ETS1: variants seen among roughly 807,000 people sequenced by gnomAD.
ETS1 encodes protein C-ets-1.
ETS1 carries 15 observed loss-of-function variants against 58.6 expected under a neutral mutation model. The observed-to-expected ratio is 0.26, with a 90% CI of 0.17 to 0.39. ETS1 has a LOEUF of 0.39. Ranked by LOEUF, ETS1 falls within the 10% of genes least tolerant of loss-of-function variation. ETS1 has a pLI of 1.00. For synonymous variants in ETS1, 214 were observed against 218.2 expected, an observed-to-expected ratio of 0.98 and a Z score of 0.17; for missense variants, 417 against 610.5, an observed-to-expected ratio of 0.68 and a Z score of 3.34.
rs1380445482 is a variant in ETS1 at position 128,548,132 on chromosome 11, A to AAAGGGAAGGGAAGGGAAGGGAAGGG, written c.214+8158_214+8159insCCCTTCCCTTCCCTTCCCTTCCCTT. ...AAAGGGAAGGAAAGGAAAGGAAAGG[A>AAAGGGAAGGGAAGGGAAGGGAAGGG]AAGGGAAGGGAAGGGAAGGGAAGGA... On this transcript the variant is annotated intron_variant, in intron 3 of 9. Transcript: ENST00000392668. Among the ~76,000 whole-genome samples, 55 of 84,020 alleles carry AAAGGGAAGGGAAGGGAAGGGAAGGG rather than the reference A, an allele frequency of 6.5e-4. 3 individuals are homozygous for AAAGGGAAGGGAAGGGAAGGGAAGGG. Among genetic ancestry groups the AAAGGGAAGGGAAGGGAAGGGAAGGG allele is most frequent in the African/African-American group, 3.1e-3 (51 of 16,606 alleles). The allele number at this position is 84,020 out of a possible 152,430, so 55.1% of individuals were successfully genotyped here. A position where few individuals can be genotyped will look rare whatever the true frequency, so the allele number is the denominator to read the frequency against.
intron 3 of ETS1, chr11:128,526,862 C>T (rs1372960268): frequency 2.2e-6 from 1 of 454,098 alleles, no homozygotes; most frequent in South Asian, 1.6e-5. Flanking sequence ...TATCAGTGCT[C>T]TCCAAGTCCA....
At chr11:128,487,122 C>T (rs1033006422) in intron 5 of ETS1, among the ~76,000 whole-genome samples, 5 of 152,176 alleles carry the variant, frequency 3.3e-5, no homozygotes, top group Non-Finnish European at 7.3e-5. Context: ...CCACCCCACC[C>T]CAAACAGCTA....
intron 2 of ETS1, among the ~76,000 whole-genome samples, chr11:128,568,623 G>A (rs1864557028): frequency 6.6e-6 from 1 of 152,102 alleles, no homozygotes; most frequent in African/African-American, 2.4e-5. Flanking sequence ...CTTACGCATG[G>A]GGAAACCATG....
At chr11:128,569,451 C>G (rs907101130) in intron 2 of ETS1, among the ~76,000 whole-genome samples, 5 of 150,224 alleles carry the variant, frequency 3.3e-5, no homozygotes, top group Non-Finnish European at 5.9e-5. Flanking sequence ...CCAACAGAAC[C>G]GAGAAGACTC....
chr11:128,488,106 G>T (rs1296029870), intron 5 of ETS1, among the ~76,000 whole-genome samples: 4 of 152,166 alleles, frequency 2.6e-5, no homozygotes, highest in Non-Finnish European at 4.4e-5. Flanking sequence ...GAAGTCAACA[G>T]TCAAATCAGA....
chr11:128,535,123 A>G (rs1260131334), intron 3 of ETS1, among the ~76,000 whole-genome samples: 1 of 152,122 alleles, frequency 6.6e-6, no homozygotes, highest in African/African-American at 2.4e-5. Context: ...CGTCATTCTG[A>G]CTGGCATGAG....
At chr11:128,566,618 C>T (rs962695684) in intron 2 of ETS1, among the ~76,000 whole-genome samples, 2 of 152,018 alleles carry the variant, frequency 1.3e-5, no homozygotes, top group Non-Finnish European at 2.9e-5. Flanking sequence ...CCCGTCTCTA[C>T]TAAAAATACA....
chr11:128,501,086 C>T (rs930627704), intron 3 of ETS1, among the ~76,000 whole-genome samples: 2 of 152,124 alleles, frequency 1.3e-5, no homozygotes, highest in Non-Finnish European at 2.9e-5. Flanking sequence ...GGCAGCTTTT[C>T]CCCTGCTTTC....
chr11:128,513,023 A>G (rs1863432079), intron 3 of ETS1, among the ~76,000 whole-genome samples: 1 of 152,268 alleles, frequency 6.6e-6, no homozygotes, highest in Non-Finnish European at 1.5e-5. Context: ...AGCTGAAAGG[A>G]AGACCATGAG....
intron 1 of ETS1, among the ~76,000 whole-genome samples, chr11:128,577,310 G>A (rs947193899): frequency 3.3e-5 from 5 of 152,170 alleles, no homozygotes; most frequent in East Asian, 1.9e-4. Context: ...AGGGAAAACC[G>A]TTTCCTTCTA....
chr11:128,486,135 G>A lies in ETS1; in HGVS notation c.547C>T (p.Pro183Ser). 6.2e-7 allele frequency: 1 copy of A among 1,605,088 alleles called. No homozygotes were observed. Among genetic ancestry groups the A allele is most frequent in the Non-Finnish European group, 8.5e-7 (1 of 1,171,876 alleles). ...GGGTTGACTCCATTAACTTGATATG[G>A]TTTCACATCCTCTGTAATGAACAGA... The part of the protein sequence containing the change: ...LEILQKEDVK[P>S]YQVNGVNPAY... Residue 183 changes from proline (P) to serine (S), a missense_variant, in exon 6 of 10, where the codon CCA becomes TCA. Around this residue, in one of 4 missense-constraint regions of ETS1, gnomAD observed 132 missense variants for 212.1 expected, o/e 0.62. Transcript: ENST00000392668.
intron 3 of ETS1, among the ~76,000 whole-genome samples, chr11:128,541,838 A>G (rs578231314): frequency 1.3e-5 from 2 of 152,318 alleles, no homozygotes; most frequent in African/African-American, 4.8e-5. Flanking sequence ...TGATTGCAAT[A>G]TGGTGCAATG....
intron 2 of ETS1, among the ~76,000 whole-genome samples, chr11:128,566,751 C>T (rs112691476): frequency 6.6e-6 from 1 of 151,356 alleles, no homozygotes; most frequent in Admixed American, 6.6e-5. Flanking sequence ...CCACTGCACT[C>T]CAGCCTGGGC....
rs1591605763 is a variant in ETS1 at position 128,484,712 on chromosome 11, G to A, written c.862+111C>T. 4 of 932,642 alleles carry A rather than the reference G, an allele frequency of 4.3e-6. No individual in the cohort carries two copies. The South Asian group carries it at 6.8e-5, about 16-fold the overall frequency. 57.8% of individuals were successfully genotyped at this position (932,642 alleles called of 1,614,324 possible). Reference sequence around the variant, plus strand: ...TCTAAGATGGGAAGGCTGAAACTGAGGAATCTACAGGTCTAATAAATAAGA... The same window carrying A: ...TCTAAGATGGGAAGGCTGAAACTGAAGAATCTACAGGTCTAATAAATAAGA... On this transcript the variant is annotated intron_variant, in intron 7 of 9. Coordinates refer to ENST00000392668, the MANE Select transcript of ETS1 (RefSeq NM_001143820.2).
intron 3 of ETS1, among the ~76,000 whole-genome samples, chr11:128,554,973 A>C (rs2135556502): frequency 6.6e-6 from 1 of 152,250 alleles, no homozygotes; most frequent in East Asian, 1.9e-4. Context: ...TGTGAAATGG[A>C]TAGGTAGCTG....
chr11:128,564,112 G>A (rs771785637), intron 2 of ETS1, among the ~76,000 whole-genome samples: 13 of 152,244 alleles, frequency 8.5e-5, no homozygotes, highest in South Asian at 4.2e-4. Context: ...GTGGTTTCTG[G>A]GGCACATCTG....
intron 3 of ETS1, chr11:128,521,833 G>T: frequency 1.8e-6 from 2 of 1,141,006 alleles, no homozygotes; most frequent in Non-Finnish European, 2.5e-6. Flanking sequence ...AGAAGGGAAC[G>T]GCGAAAGGGG....
intron 3 of ETS1, chr11:128,521,998 G>GCC: frequency 6.3e-7 from 1 of 1,590,126 alleles, no homozygotes; most frequent in African/African-American, 1.4e-5. Flanking sequence ...CCTTCATGGT[G>GCC]CCAGGAGTGG....
At position 128,556,406 on chromosome 11, in the gene ETS1, A is replaced by G; in HGVS notation, c.99T>C (p.Asp33=). The G allele has an allele frequency of 1.2e-6, 2 of 1,612,934 alleles. No homozygotes were observed. Among genetic ancestry groups the G allele is most frequent in the Non-Finnish European group, 1.7e-6 (2 of 1,179,274 alleles). ...ACTGGAAACCACAGTTCATTCGAGG[A>G]TCTTCATAAGTGTTGCTAGGTCCTT... The part of the protein sequence containing the change: ...VRQGPSNTYE[D]PRMNCGFQSN... The change falls in exon 3 of 10, where the codon GAT becomes GAC. Residue 33 remains aspartate (D), a synonymous_variant. Coordinates refer to ENST00000392668, the MANE Select transcript of ETS1 (RefSeq NM_001143820.2).
Sources: gnomAD v4.1 joint callset for allele counts (sites outside exome capture counted in the v4.1 genomes callset) on GRCh38, gnomAD v4.1.1 for gene constraint, gnomAD v4.1.1 regional missense constraint, MANE v1.5 for transcripts, NCBI Gene and HGNC (gene_info 2026-07-23, HGNC 2026-07-21) for gene names.